The following NTRK2 variants were observed in gnomAD, a reference collection of about 807,000 sequenced individuals.
NTRK2 encodes the protein neurotrophic receptor tyrosine kinase 2.
NTRK2 carries 13 observed loss-of-function variants against 94.5 expected under a neutral mutation model. That is an observed-to-expected ratio of 0.14 (90% confidence interval 0.09 to 0.22). The LOEUF (loss-of-function observed/expected upper bound fraction) is 0.22. NTRK2 is among the 10% of genes least tolerant of loss of function. The pLI, the probability that NTRK2 is intolerant of heterozygous loss-of-function variation, is 1.00. For missense variants in NTRK2, 639 were observed against 1,071.2 expected (o/e 0.60, Z 5.63); for synonymous variants, 372 against 407.4 (o/e 0.91, Z 1.05).
intron 14 of NTRK2, among the ~76,000 whole-genome samples, chr9:84,890,173 T>A (rs2076553801): frequency 6.6e-6 from 1 of 151,948 alleles, no homozygotes; most frequent in African/African-American, 2.4e-5. Flanking sequence ...CCTGCTCTCC[T>A]CCCCTTTACT....
intron 17 of NTRK2, among the ~76,000 whole-genome samples, chr9:84,983,339 C>T (rs959975684): frequency 3.3e-5 from 5 of 152,194 alleles, no homozygotes; most frequent in African/African-American, 1.2e-4. Context: ...GACAAAACCA[C>T]AGAGCACCTC....
At chr9:84,822,483 C>T (rs1026060565) in intron 12 of NTRK2, among the ~76,000 whole-genome samples, 1 of 152,040 alleles carries the variant, frequency 6.6e-6, no homozygotes, top group Non-Finnish European at 1.5e-5. Context: ...GAAGCAGACA[C>T]CAAGATGGAA....
At chr9:85,014,219 G>A (rs949288205) in intron 17 of NTRK2, among the ~76,000 whole-genome samples, 20 of 152,160 alleles carry the variant, frequency 1.3e-4, no homozygotes, top group African/African-American at 4.3e-4. Context: ...GTATGGAGAC[G>A]AATGGATACA....
rs1384590988 is a variant in NTRK2 at position 84,727,047 on chromosome 9, A to T, written c.854-607A>T. Reference sequence around the variant, plus strand: ...GCAAAAATGGACAACACTATCATGAAATGTGATACTTTCAAAGAGTATTTA... The same window carrying T: ...GCAAAAATGGACAACACTATCATGATATGTGATACTTTCAAAGAGTATTTA... On this transcript the variant is annotated intron_variant, in intron 8 of 18. Transcript: ENST00000277120. Among the ~76,000 whole-genome samples the T allele has an allele frequency of 3.3e-5, 5 of 152,202 alleles. No homozygotes were observed. The East Asian group carries it at 9.6e-4, about 29-fold the overall frequency.
At chr9:84,966,336 A>G (rs993141918) in intron 17 of NTRK2, among the ~76,000 whole-genome samples, 1 of 152,210 alleles carries the variant, frequency 6.6e-6, no homozygotes. Context: ...ATACTGATTC[A>G]GCATCTTGAA....
chr9:84,792,397 A>C (rs908584103), intron 12 of NTRK2, among the ~76,000 whole-genome samples: 2 of 152,210 alleles, frequency 1.3e-5, no homozygotes, highest in African/African-American at 4.8e-5. Context: ...CAGGTTATTA[A>C]GGGAAACTTC....
chr9:84,723,538 T>C, intron 6 of NTRK2, 35 bp from the exon 7 acceptor site: 2 of 1,613,222 alleles, frequency 1.2e-6, no homozygotes, highest in Admixed American at 1.7e-5. Flanking sequence ...TTTAACTATT[T>C]GCATATGCCT....
intron 12 of NTRK2, among the ~76,000 whole-genome samples, chr9:84,827,322 A>G (rs994324210): frequency 7.9e-5 from 12 of 152,188 alleles, no homozygotes; most frequent in African/African-American, 2.9e-4. Flanking sequence ...CGTTCATTCA[A>G]CCATGCATTT....
chr9:84,953,421 G>A (rs946395853), intron 16 of NTRK2, among the ~76,000 whole-genome samples: 3 of 152,216 alleles, frequency 2.0e-5, no homozygotes, highest in Non-Finnish European at 4.4e-5. Flanking sequence ...ACAATTTACA[G>A]AGTGAGGAAA....
At chr9:84,689,402 G>A (rs896262546) in intron 2 of NTRK2, among the ~76,000 whole-genome samples, 3 of 152,178 alleles carry the variant, frequency 2.0e-5, no homozygotes, top group African/African-American at 7.2e-5. Context: ...TGTTATTCAG[G>A]TCATTGTCTT....
chr9:85,000,427 C>T lies in NTRK2; in HGVS notation c.2173-19779C>T, dbSNP rs187635248. 7.8e-4 allele frequency among the ~76,000 whole-genome samples: 119 copies of T among 152,228 alleles called. 1 individual carries two copies. The highest frequency in any genetic ancestry group is 1.9e-3 in the Admixed American group (29 of 15,296). ...TCCCTATCCCCTAGCCACTGGAAAC[C>T]ACTGATCTTTTTTTACTGTCTCCGT... On this transcript the variant is annotated intron_variant, in intron 17 of 18. Transcript: ENST00000277120.
intron 17 of NTRK2, among the ~76,000 whole-genome samples, chr9:85,008,146 G>A (rs1324109059): frequency 6.6e-6 from 1 of 151,848 alleles, no homozygotes; most frequent in African/African-American, 2.4e-5. Flanking sequence ...GTTAGCAGAA[G>A]GGAACTGACA....
chr9:84,821,295 A>C (rs1662700), intron 12 of NTRK2, among the ~76,000 whole-genome samples: 101 of 149,754 alleles, frequency 6.7e-4, no homozygotes, highest in Non-Finnish European at 1.1e-3. Flanking sequence ...CGAGAGAGAG[A>C]GAGCAAGGAA....
intron 12 of NTRK2, among the ~76,000 whole-genome samples, chr9:84,858,162 C>A (rs2075155615): frequency 6.6e-6 from 1 of 152,074 alleles, no homozygotes; most frequent in African/African-American, 2.4e-5. Context: ...TTCCCCTTCC[C>A]CAATACCCAG....
chr9:84,837,729 T>C (rs886886905), intron 12 of NTRK2, among the ~76,000 whole-genome samples: 1 of 152,252 alleles, frequency 6.6e-6, no homozygotes, highest in Non-Finnish European at 1.5e-5. Flanking sequence ...TCTATTTGGT[T>C]GTCTCAAGTG....
chr9:84,670,523 T>C lies in NTRK2; in HGVS notation c.-226T>C, dbSNP rs75593681. ...GCTCCGAGCAGCGGTAGCGCCCCCCTGTAAAGCGGTTCGCTATGCCGGGGC... is the reference window on the plus strand; with the variant it reads ...GCTCCGAGCAGCGGTAGCGCCCCCCCGTAAAGCGGTTCGCTATGCCGGGGC... On this transcript the variant is annotated 5_prime_UTR_variant, in exon 2 of 19. Transcript: ENST00000277120. 1.9e-6 allele frequency: 1 copy of C among 539,052 alleles called. No individual in the cohort carries two copies. The allele number at this position is 539,052 out of a possible 1,614,324, so 33.4% of individuals were successfully genotyped here. A position where few individuals can be genotyped will look rare whatever the true frequency, so the allele number is the denominator to read the frequency against.
chr9:84,767,028 A>T (rs1382614787), intron 12 of NTRK2, among the ~76,000 whole-genome samples: 1 of 152,202 alleles, frequency 6.6e-6, no homozygotes, highest in Non-Finnish European at 1.5e-5. Context: ...TCACATGGCC[A>T]TGGCCACTTG....
chr9:84,882,077 G>C (rs1394111410), intron 14 of NTRK2, among the ~76,000 whole-genome samples: 1 of 152,096 alleles, frequency 6.6e-6, no homozygotes, highest in African/African-American at 2.4e-5. Context: ...TACTAGGCAG[G>C]AGAGCTAGGA....
intron 12 of NTRK2, among the ~76,000 whole-genome samples, chr9:84,795,486 C>T (rs190005775): frequency 1.3e-4 from 20 of 152,196 alleles, no homozygotes; most frequent in African/African-American, 3.1e-4. Flanking sequence ...TGGTGCAGGC[C>T]GAGCACAGTG....
Sources: gnomAD v4.1 joint callset for allele counts (sites outside exome capture counted in the v4.1 genomes callset) on GRCh38, gnomAD v4.1.1 for gene constraint, MANE v1.5 for transcripts, NCBI Gene and HGNC (gene_info 2026-07-23, HGNC 2026-07-21) for gene names.